The following CDKAL1 variants were observed in gnomAD, a reference collection of about 807,000 sequenced individuals.
CDKAL1 encodes the protein CDKAL1 threonylcarbamoyladenosine tRNA methylthiotransferase.
In CDKAL1, 32 loss-of-function variants were observed where a neutral mutation model predicts 68.2. That is an observed-to-expected ratio of 0.47 (90% CI 0.35 to 0.63). The LOEUF is 0.63. CDKAL1 is among the 30% of genes least tolerant of loss of function. The pLI is 0.00. For synonymous variants in CDKAL1, 234 were observed against 244.3 expected (o/e 0.96, Z 0.39); for missense variants, 606 against 696.7 (o/e 0.87, Z 1.47).
chr6:20,894,314 T>C (rs1761560610), intron 9 of CDKAL1, among the ~76,000 whole-genome samples: 1 of 152,086 alleles, frequency 6.6e-6, no homozygotes, highest in Non-Finnish European at 1.5e-5. Context: ...ATTCAGATGG[T>C]CTTCCTAAAT....
intron 5 of CDKAL1, among the ~76,000 whole-genome samples, chr6:20,721,723 C>CTTTTTTTTTTTT (rs1562052673): frequency 1.9e-5 from 2 of 107,910 alleles, no homozygotes; most frequent in Non-Finnish European, 3.7e-5. Flanking sequence ...TGACCAACTT[C>CTTTTTTTTTTTT]TGTTTTTTTT....
At chr6:20,673,201 G>A (rs1002495187) in intron 5 of CDKAL1, among the ~76,000 whole-genome samples, 3 of 152,172 alleles carry the variant, frequency 2.0e-5, no homozygotes, top group African/African-American at 7.2e-5. Context: ...TTTTAGCAGT[G>A]TCTTCATGTT....
At chr6:21,074,132 G>T (rs4283868) in intron 12 of CDKAL1, among the ~76,000 whole-genome samples, 78,960 of 152,014 alleles carry the variant, frequency 0.52, 20,935 homozygotes, top group Middle Eastern at 0.61. Context: ...TGTATTATCT[G>T]ACGATTCTAG....
intron 6 of CDKAL1, among the ~76,000 whole-genome samples, chr6:20,750,955 A>G (rs1186243144): frequency 1.9e-4 from 1 of 5,400 alleles, no homozygotes; most frequent in African/African-American, 5.3e-4. Flanking sequence ...CAGAGTGAAA[A>G]AAAAAAAAAA....
chr6:20,945,699 G>A (rs192363384), intron 9 of CDKAL1, among the ~76,000 whole-genome samples: 1 of 152,174 alleles, frequency 6.6e-6, no homozygotes, highest in Admixed American at 6.5e-5. Context: ...AGACTCCGTT[G>A]GATGGAAAGA....
chr6:20,775,117 A>G (rs1233339686), intron 7 of CDKAL1, among the ~76,000 whole-genome samples: 1 of 152,118 alleles, frequency 6.6e-6, no homozygotes, highest in Non-Finnish European at 1.5e-5. Flanking sequence ...TTCCTTTCTC[A>G]TCTTTTTATT....
At chr6:20,766,708 G>T (rs1774719960) in intron 7 of CDKAL1, among the ~76,000 whole-genome samples, 1 of 152,046 alleles carries the variant, frequency 6.6e-6, no homozygotes, top group Non-Finnish European at 1.5e-5. Flanking sequence ...GAACATCCTT[G>T]CTTTTACATG....
At chr6:20,814,456 T>C (rs1222841100) in intron 8 of CDKAL1, among the ~76,000 whole-genome samples, 1 of 152,174 alleles carries the variant, frequency 6.6e-6, no homozygotes, top group Non-Finnish European at 1.5e-5. Flanking sequence ...ACTTTTGTAA[T>C]TTTAGTAGAG....
At chr6:20,643,996 T>C (rs897590415) in intron 4 of CDKAL1, among the ~76,000 whole-genome samples, 1 of 152,126 alleles carries the variant, frequency 6.6e-6, no homozygotes, top group Non-Finnish European at 1.5e-5. Flanking sequence ...GGCTAATTTT[T>C]GTATTTTTAC....
chr6:20,625,945 T>C (rs949720342), intron 4 of CDKAL1, among the ~76,000 whole-genome samples: 5 of 152,178 alleles, frequency 3.3e-5, no homozygotes, highest in Admixed American at 6.5e-5. Flanking sequence ...TCTGCCTTTC[T>C]TGTGATCCCC....
intron 13 of CDKAL1, among the ~76,000 whole-genome samples, chr6:21,145,317 A>G (rs796782886): frequency 1.4e-4 from 21 of 152,358 alleles, no homozygotes; most frequent in African/African-American, 4.8e-4. Context: ...CACATTTAGA[A>G]TAAATATCTC....
intron 8 of CDKAL1, among the ~76,000 whole-genome samples, chr6:20,788,728 AC>A (rs1206424059): frequency 6.6e-6 from 1 of 152,052 alleles, no homozygotes; most frequent in Non-Finnish European, 1.5e-5. Context: ...ATTCTCTGAG[AC>A]CCCTTCTACC....
chr6:21,073,624 C>G (rs1771912425), intron 12 of CDKAL1, among the ~76,000 whole-genome samples: 1 of 152,120 alleles, frequency 6.6e-6, no homozygotes, highest in Non-Finnish European at 1.5e-5. Flanking sequence ...TTTTCATATA[C>G]TTATTTGCCA....
intron 15 of CDKAL1, among the ~76,000 whole-genome samples, chr6:21,203,722 A>G (rs1333856890): frequency 4.4e-4 from 48 of 108,586 alleles, no homozygotes; most frequent in African/African-American, 1.3e-3. Flanking sequence ...TTTTTTCCTG[A>G]AATGAAGTTT....
chr6:20,658,532 A>G (rs1031173231), intron 5 of CDKAL1, among the ~76,000 whole-genome samples: 12 of 151,582 alleles, frequency 7.9e-5, no homozygotes. Context: ...CAAAACATAA[A>G]TTATTGGATT....
chr6:21,158,442 T>TA (rs750716796), intron 13 of CDKAL1, among the ~76,000 whole-genome samples: 1 of 152,204 alleles, frequency 6.6e-6, no homozygotes, highest in Admixed American at 6.5e-5. Flanking sequence ...AGGGATCTGA[T>TA]ATGCTGCTCC....
At chr6:20,620,700 T>C (rs541530803) in intron 4 of CDKAL1, among the ~76,000 whole-genome samples, 7 of 152,296 alleles carry the variant, frequency 4.6e-5, no homozygotes, top group African/African-American at 1.4e-4. Flanking sequence ...GAATTTTTTT[T>C]TTTTCTGGAA....
intron 14 of CDKAL1, 189 bp from the exon 15 acceptor site, chr6:21,200,921 A>G (rs1280612601): frequency 6.5e-6 from 3 of 462,998 alleles, no homozygotes; most frequent in Non-Finnish European, 1.1e-5. Flanking sequence ...ATATTAATAT[A>G]TCAATTTGGG....
chr6:20,939,393 G>A (rs1233575365), intron 9 of CDKAL1, among the ~76,000 whole-genome samples: 1 of 152,114 alleles, frequency 6.6e-6, no homozygotes, highest in African/African-American at 2.4e-5. Flanking sequence ...TAACAAAAAA[G>A]AACTGGGGAG....
Sources: allele counts gnomAD v4.1 joint callset (sites outside exome capture counted in the v4.1 genomes callset), GRCh38; gene constraint gnomAD v4.1.1; transcripts MANE v1.5; gene names NCBI Gene and HGNC (gene_info 2026-07-23, HGNC 2026-07-21).